ENTREP2: variants seen among roughly 807,000 people sequenced by gnomAD.
ENTREP2 encodes the protein endosomal transmembrane epsin interactor 2, also known as protein ENTREP2.
At chr15:29,379,985 T>G in the ENTREP2 span, among the ~76,000 whole-genome samples, 1 of 148,014 alleles carries the variant, frequency 6.8e-6, no homozygotes, top group African/African-American at 2.5e-5. Context: ...CCCGAGGATG[T>G]CAACCCCACA....
the ENTREP2 span, among the ~76,000 whole-genome samples, chr15:29,646,911 T>C: frequency 6.6e-6 from 1 of 152,174 alleles, no homozygotes; most frequent in Non-Finnish European, 1.5e-5. Context: ...GTTACTACAG[T>C]GGGTATTTCA....
At chr15:29,228,986 G>A in the ENTREP2 span, among the ~76,000 whole-genome samples, 1 of 151,812 alleles carries the variant, frequency 6.6e-6, no homozygotes, top group Non-Finnish European at 1.5e-5. Flanking sequence ...ATTTTTATTA[G>A]GAACATTTTT....
chr15:29,298,732 G>A, the ENTREP2 span, among the ~76,000 whole-genome samples: 1 of 152,172 alleles, frequency 6.6e-6, no homozygotes, highest in Non-Finnish European at 1.5e-5. Flanking sequence ...CACCTTCCAT[G>A]AAATAAAATC....
the ENTREP2 span, among the ~76,000 whole-genome samples, chr15:29,193,936 A>G: frequency 6.6e-6 from 1 of 152,226 alleles, no homozygotes; most frequent in African/African-American, 2.4e-5. Context: ...GTTAAGATCT[A>G]TATACTGAAA....
chr15:29,664,468 C>T, the ENTREP2 span, among the ~76,000 whole-genome samples: 1 of 149,860 alleles, frequency 6.7e-6, no homozygotes, highest in African/African-American at 2.5e-5. Context: ...TTTTTTAGCG[C>T]TCCTGCGCAC....
chr15:29,369,968 C>A, the ENTREP2 span, among the ~76,000 whole-genome samples: 1 of 152,190 alleles, frequency 6.6e-6, no homozygotes, highest in African/African-American at 2.4e-5. Context: ...AAGGCCCTCA[C>A]CAGAAGCAGG....
chr15:29,123,242 A>G, the ENTREP2 span: 1 of 1,302,532 alleles, frequency 7.7e-7, no homozygotes. Flanking sequence ...TCCTCCGCCA[A>G]GCTGGGCCTG....
chr15:29,303,323 C>T, the ENTREP2 span, among the ~76,000 whole-genome samples: 1 of 152,196 alleles, frequency 6.6e-6, no homozygotes, highest in Non-Finnish European at 1.5e-5. Context: ...TATTTGTTTT[C>T]TTAGTTGATG....
the ENTREP2 span, among the ~76,000 whole-genome samples, chr15:29,548,055 A>G: frequency 6.6e-6 from 1 of 152,076 alleles, no homozygotes; most frequent in African/African-American, 2.4e-5. Flanking sequence ...GTAGAAGGGG[A>G]GTTATCAGGG....
the ENTREP2 span, among the ~76,000 whole-genome samples, chr15:29,203,171 G>C: frequency 6.6e-6 from 1 of 152,204 alleles, no homozygotes; most frequent in African/African-American, 2.4e-5. Context: ...GGGAGGCCGA[G>C]GCAGGCGGAT....
At chr15:29,488,342 C>T in the ENTREP2 span, among the ~76,000 whole-genome samples, 60 of 152,062 alleles carry the variant, frequency 3.9e-4, no homozygotes, top group African/African-American at 6.3e-4. Flanking sequence ...AAAGAACCCG[C>T]GAACATAAAG....
the ENTREP2 span, among the ~76,000 whole-genome samples, chr15:29,581,960 T>C: frequency 3.3e-4 from 44 of 134,092 alleles, no homozygotes; most frequent in Non-Finnish European, 3.7e-4. Context: ...TTTTTTTTTT[T>C]AGATAGAGGC....
the ENTREP2 span, among the ~76,000 whole-genome samples, chr15:29,492,801 C>A: frequency 6.6e-6 from 1 of 151,936 alleles, no homozygotes. Flanking sequence ...GTCAGGAGTT[C>A]GAGACCAGCC....
At chr15:29,480,108 C>T in the ENTREP2 span, among the ~76,000 whole-genome samples, 1 of 151,944 alleles carries the variant, frequency 6.6e-6, no homozygotes, top group Admixed American at 6.5e-5. Context: ...CCTCATTATT[C>T]TAATTATCTC....
chr15:29,531,509 G>T, the ENTREP2 span, among the ~76,000 whole-genome samples: 2 of 152,146 alleles, frequency 1.3e-5, no homozygotes, highest in Non-Finnish European at 2.9e-5. Flanking sequence ...CCTGGGGAGG[G>T]CCAACCATGG....
At chr15:29,412,726 C>A in the ENTREP2 span, among the ~76,000 whole-genome samples, 2 of 151,810 alleles carry the variant, frequency 1.3e-5, no homozygotes, top group Non-Finnish European at 2.9e-5. Context: ...ACATTCTTAC[C>A]ATATTTGTCT....
chr15:29,300,726 G>C, the ENTREP2 span, among the ~76,000 whole-genome samples: 1 of 152,102 alleles, frequency 6.6e-6, no homozygotes, highest in Non-Finnish European at 1.5e-5. Context: ...AGCCTCCCGA[G>C]TAGCTGGGAC....
the ENTREP2 span, among the ~76,000 whole-genome samples, chr15:29,614,551 T>C: frequency 5.9e-5 from 9 of 152,240 alleles, no homozygotes; most frequent in African/African-American, 2.2e-4. Context: ...CCTAGATTTC[T>C]GCCGATCTGG....
At chr15:29,276,912 G>A in the ENTREP2 span, among the ~76,000 whole-genome samples, 102 of 152,194 alleles carry the variant, frequency 6.7e-4, no homozygotes, top group African/African-American at 2.4e-3. Flanking sequence ...ATAATGAGAG[G>A]TGAATTGAAA....
Sources: allele counts gnomAD v4.1 joint callset (sites outside exome capture counted in the v4.1 genomes callset), GRCh38; gene constraint gnomAD v4.1.1; transcripts MANE v1.5; gene names NCBI Gene and HGNC (gene_info 2026-07-23, HGNC 2026-07-21).